The following TOP3A variants were observed in gnomAD, a reference collection of about 807,000 sequenced individuals.
TOP3A encodes DNA topoisomerase III alpha.
Under a neutral mutation model 111.3 loss-of-function variants are expected in TOP3A, and 64 were observed. The ratio of observed to expected loss-of-function variants is 0.57; its 90% CI spans 0.47 to 0.71. The LOEUF is 0.71. TOP3A is among the 30% of genes least tolerant of loss of function. The pLI is 0.00. For synonymous variants in TOP3A, 484 were observed against 485.1 expected (o/e 1.00, Z 0.03); for missense variants, 1,104 against 1,285.0 (o/e 0.86, Z 2.15).
rs1979517040 is a variant in TOP3A, at chr17:18,278,154, G to A, written c.2348C>T (p.Pro783Leu). 3 of 1,614,192 alleles carry A rather than the reference G, an allele frequency of 1.9e-6. No homozygotes were observed. The highest frequency in any genetic ancestry group is 2.7e-5 in the African/African-American group (2 of 75,052). The stretch of plus-strand genomic sequence containing the variant: ...GGACCCAGTCTGTCTGCTGTCAGCA[G>A]GCTGGGGGTGCTGGCTGTTGTCCAT... Reference protein sequence around the residue: ...NRMDNSQHPQPADSRQTGSSK... With the variant: ...NRMDNSQHPQLADSRQTGSSK... The change falls in exon 18 of 19, where the codon CCT becomes CTT. Residue 783 changes from proline to leucine, a missense_variant. Physicochemically the swap from Pro to Leu is moderately conservative, Grantham distance 98. Transcript: ENST00000321105.
intron 8 of TOP3A, among the ~76,000 whole-genome samples, chr17:18,300,966 G>A (rs1436570458): frequency 6.6e-6 from 1 of 152,126 alleles, no homozygotes; most frequent in Non-Finnish European, 1.5e-5. Flanking sequence ...TTCCTCATCT[G>A]GAAAATGTGG....
At chr17:18,311,251 C>T (rs901217625) in intron 1 of TOP3A, among the ~76,000 whole-genome samples, 4 of 151,856 alleles carry the variant, frequency 2.6e-5, no homozygotes, top group Admixed American at 2.0e-4. Flanking sequence ...CCGCCCACCT[C>T]AGCCTCCCAG....
At chr17:18,299,867 A>C (rs1427936765) in intron 8 of TOP3A, among the ~76,000 whole-genome samples, 1 of 152,224 alleles carries the variant, frequency 6.6e-6, no homozygotes, top group Non-Finnish European at 1.5e-5. Context: ...CACAAGCCTT[A>C]AGGTGCTTCC....
In TOP3A at chr17:18,273,575, G is replaced by A. The variant is rs1979131680; in HGVS notation, c.*1227C>T. Reference sequence around the variant, plus strand: ...GCTGGTACCTGTTGCTTCTGCAAATGTTCCCCAGACCCTCTGCACTCTCGC... The same window carrying A: ...GCTGGTACCTGTTGCTTCTGCAAATATTCCCCAGACCCTCTGCACTCTCGC... On this transcript the variant is annotated 3_prime_UTR_variant, in exon 19 of 19. Transcript: ENST00000321105. 6.6e-6 allele frequency among the ~76,000 whole-genome samples: 1 copy of A among 152,168 alleles called. No homozygotes were observed. The highest frequency in any genetic ancestry group is 2.1e-4 in the South Asian group (1 of 4,828).
chr17:18,293,992 A>G (rs1597971494), intron 10 of TOP3A, among the ~76,000 whole-genome samples: 1 of 152,366 alleles, frequency 6.6e-6, no homozygotes, highest in South Asian at 2.1e-4. Context: ...TCTATAGCGC[A>G]TCCCAATTTG....
intron 1 of TOP3A, chr17:18,313,484 GA>G: frequency 6.0e-6 from 1 of 167,508 alleles, no homozygotes; most frequent in Non-Finnish European, 1.3e-5. Flanking sequence ...AGAACCAATG[GA>G]AAAGAGCCTG....
intron 15 of TOP3A, 111 bp from the exon 16 acceptor site, chr17:18,282,952 G>A (rs117733061): frequency 0.017 from 23,545 of 1,401,294 alleles, 255 homozygotes; most frequent in Middle Eastern, 0.036. Flanking sequence ...GCTGGTCAGT[G>A]AGCCGCAGGC....
chr17:18,292,308 TG>T (rs1980527720), intron 11 of TOP3A, among the ~76,000 whole-genome samples: 1 of 152,072 alleles, frequency 6.6e-6, no homozygotes, highest in Non-Finnish European at 1.5e-5. Context: ...GAGCCAGCCT[TG>T]GGAGGATGGA....
chr17:18,288,131 T>TTTTATA (rs143028955), intron 13 of TOP3A, among the ~76,000 whole-genome samples: 18 of 122,708 alleles, frequency 1.5e-4, no homozygotes, highest in African/African-American at 5.4e-4. Context: ...CTGTTAATAA[T>TTTTATA]TATATATATA....
intron 13 of TOP3A, among the ~76,000 whole-genome samples, chr17:18,288,856 C>A (rs1356217314): frequency 6.6e-6 from 1 of 152,178 alleles, no homozygotes; most frequent in Non-Finnish European, 1.5e-5. Context: ...AGATTGAGAA[C>A]TTAAAAAATG....
chr17:18,299,390 AAAAC>A, intron 9 of TOP3A, among the ~76,000 whole-genome samples, 165 bp downstream of exon 9: 1 of 152,348 alleles, frequency 6.6e-6, no homozygotes, highest in Non-Finnish European at 1.5e-5. Flanking sequence ...AATAAACAAA[AAAAC>A]AAACAGTGAG....
chr17:18,303,863 T>C (rs1597983262), intron 5 of TOP3A, among the ~76,000 whole-genome samples: 1 of 152,304 alleles, frequency 6.6e-6, no homozygotes, highest in Non-Finnish European at 1.5e-5. Flanking sequence ...ACTTTGTGTG[T>C]GTCTTCTTTC....
rs772437400 is a variant in TOP3A, at chr17:18,314,678, C to T, written c.101G>A (p.Arg34Gln). The change falls in exon 1 of 19, where the codon CGG becomes CAG. Residue 34 changes from arginine (R) to glutamine (Q), a missense_variant. Arg to Gln is a conservative substitution (Grantham distance 43, BLOSUM62 1). Transcript: ENST00000321105. ...TTTTTCGGCCACACAGAGGACTTTCCGCACGCCTCGGAGGGCCATCTCCAT... is the reference window on the plus strand; with the variant it reads ...TTTTTCGGCCACACAGAGGACTTTCTGCACGCCTCGGAGGGCCATCTCCAT... ...AAMEMALRGV[R>Q]KVLCVAEKND... The T allele has an allele frequency of 8.7e-6, 14 of 1,613,154 alleles. No homozygotes were observed. In the East Asian group the frequency reaches 2.9e-4, roughly 33 times the overall value.
At position 18,278,207 on chromosome 17, in the gene TOP3A, G is replaced by GCGGC; in HGVS notation, c.2291_2294dup (p.Leu766ProfsTer5). On this transcript the variant is annotated frameshift_variant, in exon 18 of 19. Coordinates refer to ENST00000321105, the MANE Select transcript of TOP3A (RefSeq NM_004618.5). LOFTEE classifies it high-confidence loss of function. ...TGTTCAGGGACTGGTTAGCCTGCAG[G>GCGGC]CGGCCAGAGGGCTGGCTAGCCCTGG... The GCGGC allele has an allele frequency of 6.2e-7, 1 of 1,604,300 alleles. No individual in the cohort carries two copies. The highest frequency in any genetic ancestry group is 8.5e-7 in the Non-Finnish European group (1 of 1,172,508).
intron 17 of TOP3A, among the ~76,000 whole-genome samples, chr17:18,279,791 A>C (rs958565681): frequency 1.3e-5 from 2 of 152,116 alleles, no homozygotes; most frequent in African/African-American, 4.8e-5. Context: ...GGATCAAGCG[A>C]TCCTCCTGCC....
In TOP3A at chr17:18,290,913, C is replaced by T. The variant is rs902133190; in HGVS notation, c.1396G>A (p.Val466Met). ...GCCAGAATCATGAGGCCATGGGCCA[C>T]AAAGCGTTCCTGAGCGATGTCGATC... ...VEIDIAQERF[V>M]AHGLMILARN... is the part of the protein sequence containing the mutation. The change falls in exon 12 of 19, where the codon GTG becomes ATG. Residue 466 changes from valine to methionine, a missense_variant. Physicochemically the swap from Val to Met is conservative, Grantham distance 21 (BLOSUM62 1). Transcript: ENST00000321105. The T allele has an allele frequency of 1.2e-6, 2 of 1,614,054 alleles. No individual in the cohort carries two copies. Among genetic ancestry groups the T allele is most frequent in the African/African-American group, 2.7e-5 (2 of 74,912 alleles).
intron 15 of TOP3A, among the ~76,000 whole-genome samples, 178 bp downstream of exon 15, chr17:18,284,964 C>A (rs925303396): frequency 6.6e-6 from 1 of 152,148 alleles, no homozygotes; most frequent in Non-Finnish European, 1.5e-5. Context: ...GGCCAGGAGG[C>A]CACTGGTGAG....
At chr17:18,296,166 C>A (rs1980790147) in intron 9 of TOP3A, among the ~76,000 whole-genome samples, 2 of 152,210 alleles carry the variant, frequency 1.3e-5, no homozygotes, top group Non-Finnish European at 2.9e-5. Context: ...AGTAAATTCT[C>A]CTGGAGGGTG....
chr17:18,279,814 C>T (rs1018818721), intron 17 of TOP3A, among the ~76,000 whole-genome samples: 3 of 152,194 alleles, frequency 2.0e-5, no homozygotes, highest in East Asian at 1.9e-4. Flanking sequence ...AGCCTCCTGA[C>T]CAGCTTGGCC....
Sources: gnomAD v4.1 joint callset for allele counts (sites outside exome capture counted in the v4.1 genomes callset) on GRCh38, gnomAD v4.1.1 for gene constraint, MANE v1.5 for transcripts, NCBI Gene and HGNC (gene_info 2026-07-23, HGNC 2026-07-21) for gene names.